ENTREP2: variants seen among roughly 807,000 people sequenced by gnomAD.
The protein encoded by ENTREP2 is endosomal transmembrane epsin interactor 2, also known as protein ENTREP2.
At chr15:29,269,863 C>G in the ENTREP2 span, 1 of 706,008 alleles carries the variant, frequency 1.4e-6, no homozygotes, top group South Asian at 2.7e-5. Context: ...GTCAGGGCGG[C>G]TGGGCGGTGC....
the ENTREP2 span, chr15:29,374,702 A>C: frequency 2.0e-5 from 3 of 151,958 alleles, no homozygotes; most frequent in Non-Finnish European, 4.4e-5. Context: ...TATTCCACAT[A>C]TATTAGTGTT....
chr15:29,480,853 T>C, the ENTREP2 span, among the ~76,000 whole-genome samples: 5 of 152,046 alleles, frequency 3.3e-5, no homozygotes, highest in African/African-American at 1.2e-4. Flanking sequence ...AGGTAACAGC[T>C]GGGCAATGTG....
the ENTREP2 span, among the ~76,000 whole-genome samples, chr15:29,467,374 C>A: frequency 6.6e-6 from 1 of 152,186 alleles, no homozygotes; most frequent in Non-Finnish European, 1.5e-5. Context: ...GTGGTCTGTT[C>A]ATCTATCAGT....
chr15:29,530,404 C>G, the ENTREP2 span, among the ~76,000 whole-genome samples: 1 of 152,134 alleles, frequency 6.6e-6, no homozygotes, highest in African/African-American at 2.4e-5. Context: ...AGGTGAAACA[C>G]CAACTTATAA....
the ENTREP2 span, chr15:29,233,973 T>A: frequency 6.6e-7 from 1 of 1,512,018 alleles, no homozygotes; most frequent in African/African-American, 1.4e-5. Flanking sequence ...AAATCAGGAC[T>A]TGATGGGACC....
the ENTREP2 span, among the ~76,000 whole-genome samples, chr15:29,654,050 T>C: frequency 2.5e-4 from 38 of 152,336 alleles, no homozygotes; most frequent in African/African-American, 9.1e-4. Flanking sequence ...CAGATCAGTA[T>C]AGCTATACTT....
At chr15:29,448,810 T>C in the ENTREP2 span, among the ~76,000 whole-genome samples, 596 of 152,350 alleles carry the variant, frequency 3.9e-3, 5 homozygotes, top group African/African-American at 0.014. Context: ...CCATCCTGTT[T>C]TCTAAATATC....
chr15:29,154,404 G>A, the ENTREP2 span, among the ~76,000 whole-genome samples: 7 of 151,680 alleles, frequency 4.6e-5, no homozygotes, highest in South Asian at 2.1e-4. Context: ...TTTAACAGTC[G>A]AAGTGCAATA....
chr15:29,291,013 G>A, the ENTREP2 span, among the ~76,000 whole-genome samples: 1 of 152,180 alleles, frequency 6.6e-6, no homozygotes, highest in Non-Finnish European at 1.5e-5. Context: ...GCCTGAGTCT[G>A]GTGAATGGAC....
the ENTREP2 span, chr15:29,123,176 A>G: frequency 1.4e-6 from 1 of 693,426 alleles, no homozygotes; most frequent in Non-Finnish European, 2.3e-6. Flanking sequence ...GAGAGGGGGT[A>G]ACAGTTCCCT....
the ENTREP2 span, among the ~76,000 whole-genome samples, chr15:29,163,486 C>T: frequency 2.6e-5 from 4 of 151,494 alleles, no homozygotes; most frequent in African/African-American, 9.7e-5. Flanking sequence ...ATAAAAAATC[C>T]AGGAAAAATT....
At chr15:29,539,346 C>T in the ENTREP2 span, among the ~76,000 whole-genome samples, 1 of 152,156 alleles carries the variant, frequency 6.6e-6, no homozygotes, top group Non-Finnish European at 1.5e-5. Context: ...CTCTGAAACC[C>T]TCTGCTCCTT....
At chr15:29,668,313 C>T in the ENTREP2 span, among the ~76,000 whole-genome samples, 2 of 152,174 alleles carry the variant, frequency 1.3e-5, no homozygotes, top group African/African-American at 4.8e-5. Context: ...AAAGGAGAAC[C>T]ATACTTTCCA....
At chr15:29,549,242 C>T in the ENTREP2 span, among the ~76,000 whole-genome samples, 4 of 151,446 alleles carry the variant, frequency 2.6e-5, no homozygotes, top group African/African-American at 4.9e-5. Flanking sequence ...AAATAAAAGG[C>T]GATTAAAATC....
chr15:29,442,077 C>A, the ENTREP2 span, among the ~76,000 whole-genome samples: 1 of 152,180 alleles, frequency 6.6e-6, no homozygotes, highest in Non-Finnish European at 1.5e-5. Context: ...GCTGTTGTCC[C>A]CCTGAAGCAC....
At chr15:29,360,081 CT>C in the ENTREP2 span, among the ~76,000 whole-genome samples, 1 of 152,128 alleles carries the variant, frequency 6.6e-6, no homozygotes, top group East Asian at 1.9e-4. Context: ...ATTAAATTCA[CT>C]TTCAATTAGT....
chr15:29,194,027 T>C, the ENTREP2 span, among the ~76,000 whole-genome samples: 1 of 152,218 alleles, frequency 6.6e-6, no homozygotes, highest in Non-Finnish European at 1.5e-5. Flanking sequence ...ATCATGAATA[T>C]GTCAAGTCTC....
At chr15:29,205,632 T>C in the ENTREP2 span, among the ~76,000 whole-genome samples, 1 of 152,234 alleles carries the variant, frequency 6.6e-6, no homozygotes, top group East Asian at 1.9e-4. Context: ...TGGAGAAATA[T>C]CTATTCAAAT....
the ENTREP2 span, among the ~76,000 whole-genome samples, chr15:29,287,270 A>G: frequency 6.6e-6 from 1 of 151,380 alleles, no homozygotes; most frequent in Non-Finnish European, 1.5e-5. Flanking sequence ...CTTTCACTGT[A>G]TTGCATCCTT....
Sources: gnomAD v4.1 joint callset for allele counts (sites outside exome capture counted in the v4.1 genomes callset) on GRCh38, gnomAD v4.1.1 for gene constraint, MANE v1.5 for transcripts, NCBI Gene and HGNC (gene_info 2026-07-23, HGNC 2026-07-21) for gene names.